CACNA1E: variants seen among roughly 807,000 people sequenced by gnomAD.
CACNA1E encodes voltage-dependent R-type calcium channel subunit alpha-1E.
Under a neutral mutation model 259.2 loss-of-function variants are expected in CACNA1E, and 40 were observed. That is an observed-to-expected ratio of 0.15 (90% CI 0.12 to 0.20). The LOEUF is 0.20. CACNA1E is among the 10% of genes least tolerant of loss of function. CACNA1E has a pLI of 1.00. For missense variants in CACNA1E, 1,874 were observed against 3,040.1 expected, an observed-to-expected ratio of 0.62 and a Z score of 9.02; for synonymous variants, 1,104 against 1,138.5, an observed-to-expected ratio of 0.97 and a Z score of 0.61.
chr1:181,387,835 T>C (rs2102022638), intron 1 of CACNA1E, among the ~76,000 whole-genome samples: 1 of 152,320 alleles, frequency 6.6e-6, no homozygotes, highest in African/African-American at 2.4e-5. Flanking sequence ...TGCAGCGACG[T>C]GGACTACATT....
At position 181,611,700 on chromosome 1, in the gene CACNA1E, C is replaced by T. The variant is rs112227412; in HGVS notation, c.951+30924C>T. On this transcript the variant is annotated intron_variant, in intron 6 of 47. Transcript: ENST00000367573. ...TCCTGACTTAGAAAGCAGATCTCAG[C>T]CTCTGACCCTATCCTTGCACTGTGG... 3.6e-3 allele frequency among the ~76,000 whole-genome samples: 553 copies of T among 152,228 alleles called. 3 individuals carry two copies. Among genetic ancestry groups the T allele is most frequent in the African/African-American group, 0.013 (534 of 41,546 alleles).
chr1:181,649,674 TA>T (rs537699667), intron 6 of CACNA1E, among the ~76,000 whole-genome samples: 117 of 152,098 alleles, frequency 7.7e-4, no homozygotes, highest in Non-Finnish European at 1.3e-3. Flanking sequence ...TATGTAGCCT[TA>T]AAAAAAATGA....
chr1:181,330,858 C>T (rs1447617094), intron 1 of CACNA1E, among the ~76,000 whole-genome samples: 1 of 152,180 alleles, frequency 6.6e-6, no homozygotes, highest in Non-Finnish European at 1.5e-5. Flanking sequence ...AGTACCTAAC[C>T]TCACAGGATT....
intron 1 of CACNA1E, among the ~76,000 whole-genome samples, chr1:181,325,440 TC>T (rs1379861096): frequency 6.6e-6 from 1 of 152,046 alleles, no homozygotes; most frequent in Admixed American, 6.6e-5. Flanking sequence ...AAGGTGTGGT[TC>T]CCGGACCAGC....
chr1:181,485,269 A>C lies in CACNA1E; in HGVS notation c.266+1259A>C, dbSNP rs999826406. On this transcript the variant is annotated intron_variant, in intron 1 of 47. Transcript: ENST00000367573. The surrounding 1 kb of genome is among the most constrained non-coding windows in gnomAD (Gnocchi z 4.2). ...GCAGCTGGAGCTGCCTTGGGTCTCT[A>C]GTATTAGCCAGACACGCGGCTCATT... Among the ~76,000 whole-genome samples the C allele has an allele frequency of 6.6e-6, 1 of 151,990 alleles. No homozygotes were observed. Among genetic ancestry groups the C allele is most frequent in the African/African-American group, 2.4e-5 (1 of 41,352 alleles).
intron 1 of CACNA1E, among the ~76,000 whole-genome samples, chr1:181,380,921 A>G (rs1174970506): frequency 6.6e-6 from 1 of 152,226 alleles, no homozygotes; most frequent in Non-Finnish European, 1.5e-5. Flanking sequence ...TCCCAGCAGC[A>G]CTTTGAGAGG....
chr1:181,492,845 G>A (rs1184665191), intron 1 of CACNA1E, among the ~76,000 whole-genome samples: 1 of 152,174 alleles, frequency 6.6e-6, no homozygotes, highest in Non-Finnish European at 1.5e-5. Context: ...GTCAGGAGAT[G>A]TTGAGCTCTA....
At position 181,483,827 on chromosome 1, in the gene CACNA1E, C is replaced by A. The variant is rs1405275408; in HGVS notation, c.83C>A (p.Thr28Asn). ...GACCAGAGCAGGAACCGGCAAGGAA[C>A]CCCCGTGCCGGCCTCGGGGCAGGCG... is the stretch of plus-strand genomic sequence containing the variant. ...DSDQSRNRQG[T>N]PVPASGQAAA... is the part of the protein sequence containing the mutation. Residue 28 changes from threonine (T) to asparagine (N), a missense_variant, in exon 1 of 48, where the codon ACC becomes AAC. Physicochemically the swap from Thr to Asn is moderately conservative, Grantham distance 65 (BLOSUM62 0). This residue lies in a region of CACNA1E where 110 missense variants were observed against 122.8 expected (regional missense o/e 0.90). Coordinates refer to ENST00000367573, the MANE Select transcript of CACNA1E (RefSeq NM_001205293.3). 2.5e-6 allele frequency: 4 copies of A among 1,613,350 alleles called. No homozygotes were observed. Among genetic ancestry groups the A allele is most frequent in the African/African-American group, 2.7e-5 (2 of 74,868 alleles).
At chr1:181,497,023 A>G (rs982853141) in intron 1 of CACNA1E, among the ~76,000 whole-genome samples, 1 of 152,102 alleles carries the variant, frequency 6.6e-6, no homozygotes, top group African/African-American at 2.4e-5. Flanking sequence ...ATATGGGCCT[A>G]TGTCAATCCG....
intron 38 of CACNA1E, among the ~76,000 whole-genome samples, chr1:181,780,140 A>C (rs1660299865): frequency 6.6e-6 from 1 of 152,172 alleles, no homozygotes; most frequent in South Asian, 2.1e-4. Flanking sequence ...TAAAAGAGGC[A>C]TGGATTTGGT....
chr1:181,489,515 A>C (rs1664134050), intron 1 of CACNA1E, among the ~76,000 whole-genome samples: 1 of 152,074 alleles, frequency 6.6e-6, no homozygotes, highest in African/African-American at 2.4e-5. Flanking sequence ...AGCTGGGGAG[A>C]AATCTTGTAA....
At chr1:181,724,584 G>T in intron 17 of CACNA1E, 47 bp downstream of exon 17, 1 of 1,487,682 alleles carries the variant, frequency 6.7e-7, no homozygotes, top group Admixed American at 1.8e-5. Context: ...GTGCCATTGG[G>T]TACCCTTTGG....
At chr1:181,740,011 C>G (rs889244631) in intron 25 of CACNA1E, among the ~76,000 whole-genome samples, 1 of 152,136 alleles carries the variant, frequency 6.6e-6, no homozygotes, top group African/African-American at 2.4e-5. Flanking sequence ...AAATGGGATG[C>G]TTTCAGGGCC....
Position 181,798,197 on chromosome 1 carries a change from G to T in CACNA1E, c.6400-95G>T. The T allele has an allele frequency of 9.5e-7, 1 of 1,056,780 alleles. No homozygotes were observed. The highest frequency in any genetic ancestry group is 1.4e-6 in the Non-Finnish European group (1 of 724,644). The allele number at this position is 1,056,780 out of a possible 1,614,324, so 65.5% of individuals were successfully genotyped here. On this transcript the variant is annotated intron_variant, in intron 47 of 47. Transcript: ENST00000367573. The surrounding 1 kb of genome is among the most constrained non-coding windows in gnomAD (Gnocchi z 4.2). Reference sequence around the variant, plus strand: ...GGAGCTCCAGCTCAGGCCTCTCCCTGACAGAATTCAGATTCCAAGGACTCT... The same window carrying T: ...GGAGCTCCAGCTCAGGCCTCTCCCTTACAGAATTCAGATTCCAAGGACTCT...
chr1:181,751,856 G>A (rs1657626274), intron 26 of CACNA1E: 1 of 554,516 alleles, frequency 1.8e-6, no homozygotes, highest in East Asian at 4.0e-5. Context: ...TATGTGCATG[G>A]ATGCCTCTGT....
intron 1 of CACNA1E, among the ~76,000 whole-genome samples, chr1:181,489,445 A>C (rs1168544211): frequency 6.6e-6 from 1 of 152,210 alleles, no homozygotes; most frequent in Non-Finnish European, 1.5e-5. Flanking sequence ...AACTTCAGGA[A>C]TCTACTTTTT....
rs1296776493 is a variant in CACNA1E at position 181,698,428 on chromosome 1, CAG to C, written c.1056-12525_1056-12524del. Reference sequence around the variant, plus strand: ...GGTTCACATGGGCTTGCTGATGCAGCAGCTCAGTGAAGTTGCAGTTTTTATCA... The same window carrying C: ...GGTTCACATGGGCTTGCTGATGCAGCCTCAGTGAAGTTGCAGTTTTTATCA... On this transcript the variant is annotated intron_variant, in intron 7 of 47. Transcript: ENST00000367573. Among the ~76,000 whole-genome samples the C allele has an allele frequency of 6.6e-5, 10 of 152,334 alleles. No homozygotes were observed. The East Asian group carries it at 1.7e-3, about 26-fold the overall frequency.
intron 39 of CACNA1E, 31 bp from the exon 40 acceptor site, chr1:181,783,648 G>GA: frequency 1.2e-6 from 1 of 809,228 alleles, no homozygotes; most frequent in Non-Finnish European, 1.7e-6. Flanking sequence ...TTTTTTTTTT[G>GA]CCTGCTGTTT....
intron 3 of CACNA1E, among the ~76,000 whole-genome samples, chr1:181,575,189 G>A (rs1650848324): frequency 6.6e-6 from 1 of 152,156 alleles, no homozygotes; most frequent in Non-Finnish European, 1.5e-5. Flanking sequence ...TCCTGCACTG[G>A]AGGACAGAAA....
Sources: allele counts gnomAD v4.1 joint callset (sites outside exome capture counted in the v4.1 genomes callset), GRCh38; gene constraint gnomAD v4.1.1; regional missense constraint gnomAD v4.1.1; non-coding constraint Gnocchi (gnomAD v3.1); transcripts MANE v1.5; gene names NCBI Gene and HGNC (gene_info 2026-07-23, HGNC 2026-07-21).